AKAP6: variants seen among roughly 807,000 people sequenced by gnomAD.
The protein encoded by AKAP6 is A-kinase anchor protein 6.
A neutral mutation model predicts 188.5 loss-of-function variants in AKAP6; 58 were observed. That is an observed-to-expected ratio of 0.31 (90% CI 0.25 to 0.38). The LOEUF is 0.38. Among genes scored for constraint, AKAP6 ranks in the 10% least tolerant of loss-of-function variants. The pLI is 1.00. For synonymous variants in AKAP6, 989 were observed against 998.6 expected (o/e 0.99, Z 0.18); for missense variants, 2,710 against 2,740.0 (o/e 0.99, Z 0.24).
chr14:32,525,128 A>G (rs1324073141), intron 2 of AKAP6, among the ~76,000 whole-genome samples: 1 of 152,206 alleles, frequency 6.6e-6, no homozygotes. Context: ...GAATGAACTC[A>G]GATTTTGATC....
chr14:32,750,887 A>T (rs1300883113), intron 11 of AKAP6, among the ~76,000 whole-genome samples: 6 of 151,420 alleles, frequency 4.0e-5, no homozygotes, highest in African/African-American at 1.5e-4. Flanking sequence ...GGCGCCTGCC[A>T]CCATGCCCGG....
intron 5 of AKAP6, among the ~76,000 whole-genome samples, chr14:32,588,399 T>A (rs1056041352): frequency 1.3e-5 from 2 of 152,242 alleles, no homozygotes; most frequent in African/African-American, 2.4e-5. Flanking sequence ...ATGAACTTTA[T>A]TGTAACACCA....
chr14:32,825,073 G>A (rs1799474302), intron 13 of AKAP6, among the ~76,000 whole-genome samples: 1 of 152,066 alleles, frequency 6.6e-6, no homozygotes, highest in African/African-American at 2.4e-5. Flanking sequence ...TGAGGAAGTA[G>A]TTGAACAATT....
At chr14:32,572,374 G>T (rs10145392) in intron 4 of AKAP6, among the ~76,000 whole-genome samples, 3 of 151,782 alleles carry the variant, frequency 2.0e-5, no homozygotes, top group Admixed American at 6.6e-5. Context: ...ATATAATCCC[G>T]TTTAAAAATC....
chr14:32,810,019 A>G (rs1173797541), intron 12 of AKAP6, among the ~76,000 whole-genome samples: 1 of 152,220 alleles, frequency 6.6e-6, no homozygotes, highest in Non-Finnish European at 1.5e-5. Flanking sequence ...AAGCAGAGAT[A>G]TTCACAAATG....
intron 5 of AKAP6, among the ~76,000 whole-genome samples, chr14:32,587,868 T>C (rs1885319361): frequency 6.6e-6 from 1 of 152,156 alleles, no homozygotes. Flanking sequence ...TCCAGGGGTG[T>C]GTGAAACCAG....
chr14:32,546,637 A>G lies in AKAP6; in HGVS notation c.1984A>G (p.Thr662Ala), dbSNP rs1463356917. The G allele has an allele frequency of 1.2e-6, 2 of 1,614,054 alleles. No homozygotes were observed. The highest frequency in any genetic ancestry group is 1.7e-6 in the Non-Finnish European group (2 of 1,180,016). ...TCTGCCTCAGAAACCCAGAGGAGAA[A>G]CCATCCAGAATATTGATGACTGGGA... ...KLLPQKPRGE[T>A]IQNIDDWELS... Residue 662 changes from threonine (T) to alanine (A), a missense_variant, in exon 4 of 14, where the codon ACC becomes GCC. Transcript: ENST00000280979.
At chr14:32,355,321 G>A (rs933949457) in intron 1 of AKAP6, among the ~76,000 whole-genome samples, 3 of 151,978 alleles carry the variant, frequency 2.0e-5, no homozygotes, top group African/African-American at 7.3e-5. Flanking sequence ...CAGTGTTTTG[G>A]TTCTTCTCTT....
intron 1 of AKAP6, among the ~76,000 whole-genome samples, chr14:32,427,947 T>A (rs1203744392): frequency 1.3e-5 from 2 of 152,230 alleles, no homozygotes; most frequent in African/African-American, 4.8e-5. Context: ...ATTTTCAGGA[T>A]AAGCAGGGCA....
chr14:32,615,796 A>G (rs1045634469), intron 7 of AKAP6, among the ~76,000 whole-genome samples: 4 of 151,948 alleles, frequency 2.6e-5, no homozygotes, highest in East Asian at 1.9e-4. Context: ...GGGTTTCACC[A>G]TATTAGCCAG....
intron 12 of AKAP6, among the ~76,000 whole-genome samples, chr14:32,805,146 A>AGTT (rs1222490521): frequency 3.3e-5 from 5 of 152,214 alleles, no homozygotes; most frequent in Admixed American, 1.3e-4. Context: ...AGGCGTAAGA[A>AGTT]GTTATAAGAG....
At chr14:32,745,767 C>T (rs1314212639) in intron 11 of AKAP6, among the ~76,000 whole-genome samples, 1 of 152,190 alleles carries the variant, frequency 6.6e-6, no homozygotes, top group Non-Finnish European at 1.5e-5. Flanking sequence ...AGCAAGTTCT[C>T]CCAGGCCCCT....
At chr14:32,732,037 A>C (rs142027870) in intron 9 of AKAP6, among the ~76,000 whole-genome samples, 1 of 152,198 alleles carries the variant, frequency 6.6e-6, no homozygotes, top group East Asian at 1.9e-4. Context: ...GATAACTTAC[A>C]TAATCTTTAT....
rs2139616440 is a variant in AKAP6, at chr14:32,672,461, G to C, written c.2731-5850G>C. 1.3e-5 allele frequency among the ~76,000 whole-genome samples: 2 copies of C among 152,230 alleles called. 1 individual carries two copies. The highest frequency in any genetic ancestry group is 4.1e-4 in the South Asian group (2 of 4,826). On this transcript the variant is annotated intron_variant, in intron 7 of 13. Transcript: ENST00000280979. The stretch of plus-strand genomic sequence containing the variant: ...ATTTCAGGTGAAGCCTCTCTCCTTG[G>C]CTCACAGATGGCCACCTTCTTGCTG...
intron 7 of AKAP6, among the ~76,000 whole-genome samples, chr14:32,601,942 A>T (rs1253197338): frequency 1.3e-5 from 2 of 152,222 alleles, no homozygotes; most frequent in Admixed American, 6.5e-5. Flanking sequence ...GAAACAGAGG[A>T]TAGAATGATG....
intron 12 of AKAP6, among the ~76,000 whole-genome samples, chr14:32,799,153 G>A (rs1241874916): frequency 6.6e-6 from 1 of 152,158 alleles, no homozygotes; most frequent in Non-Finnish European, 1.5e-5. Context: ...TGTCTTAAGT[G>A]ATGGATTTCA....
intron 1 of AKAP6, among the ~76,000 whole-genome samples, chr14:32,333,660 TG>T (rs1886601463): frequency 6.6e-6 from 1 of 152,064 alleles, no homozygotes; most frequent in Non-Finnish European, 1.5e-5. Flanking sequence ...TTTTCTTGCA[TG>T]GGTTTGGATT....
At chr14:32,745,994 C>G (rs1011142880) in intron 11 of AKAP6, among the ~76,000 whole-genome samples, 2 of 152,186 alleles carry the variant, frequency 1.3e-5, no homozygotes, top group East Asian at 3.9e-4. Flanking sequence ...CCGATGTTCC[C>G]TTAAGATTCA....
intron 12 of AKAP6, among the ~76,000 whole-genome samples, chr14:32,796,584 G>T (rs2033774919): frequency 6.6e-6 from 1 of 152,216 alleles, no homozygotes; most frequent in African/African-American, 2.4e-5. Context: ...GCCATATGCA[G>T]AAAATTGAAA....
Sources: allele counts gnomAD v4.1 joint callset (sites outside exome capture counted in the v4.1 genomes callset), GRCh38; gene constraint gnomAD v4.1.1; transcripts MANE v1.5; gene names NCBI Gene and HGNC (gene_info 2026-07-23, HGNC 2026-07-21).